The following UBXN8 variants were observed in gnomAD, a reference collection of about 807,000 sequenced individuals.
UBXN8 encodes the protein UBX domain-containing protein 8.
UBXN8 carries 27 observed loss-of-function variants against 32.1 expected under a neutral mutation model. The ratio of observed to expected loss-of-function variants is 0.84; its 90% confidence interval spans 0.62 to 1.16. UBXN8 has a LOEUF of 1.16. UBXN8 is among the 50% of genes most tolerant of loss of function. The pLI is 0.00. For missense variants in UBXN8, 306 were observed against 311.4 expected (o/e 0.98, Z 0.13); for synonymous variants, 109 against 111.8 (o/e 0.98, Z 0.16).
intron 6 of UBXN8, among the ~76,000 whole-genome samples, chr8:30,762,627 AAG>A (rs1219871718): frequency 6.6e-6 from 1 of 152,108 alleles, no homozygotes; most frequent in Non-Finnish European, 1.5e-5. Context: ...TCCTGACCTC[AAG>A]TGATCCGCCC....
intron 1 of UBXN8, among the ~76,000 whole-genome samples, chr8:30,745,358 G>A (rs1281134530): frequency 6.6e-6 from 1 of 152,158 alleles, no homozygotes; most frequent in East Asian, 1.9e-4. Context: ...ACTGGTAAAG[G>A]GGAAATGGAA....
At chr8:30,744,737 CTAGGTTTAAAT>C (rs970167818) in intron 1 of UBXN8, among the ~76,000 whole-genome samples, 1 of 152,142 alleles carries the variant, frequency 6.6e-6, no homozygotes, top group Non-Finnish European at 1.5e-5. Context: ...GCGCCCGGCC[CTAGGTTTAAAT>C]AAGGGGCCAC....
intron 6 of UBXN8, chr8:30,763,049 A>G (rs2956009): frequency 0.99 from 496,988 of 500,908 alleles, 246,666 homozygotes; most frequent in East Asian, 1. Context: ...TCTATTTTTT[A>G]TGGCGGGGGG....
chr8:30,756,836 T>G lies in UBXN8; in HGVS notation c.477T>G (p.Pro159=). Reference sequence around the variant, plus strand: ...AAGCAGCAAAGAGCCAGAACTTGCCTAAACCTTTAACTGAATTTCCGTCTC... The same window carrying G: ...AAGCAGCAAAGAGCCAGAACTTGCCGAAACCTTTAACTGAATTTCCGTCTC... ...NREAAKSQNL[P]KPLTEFPSPA... The change falls in exon 5 of 8, where the codon CCT becomes CCG. Residue 159 remains proline, a synonymous_variant. Transcript: ENST00000265616. 1 of 1,614,040 alleles carries G rather than the reference T, an allele frequency of 6.2e-7. No homozygotes were observed. The highest frequency in any genetic ancestry group is 8.5e-7 in the Non-Finnish European group (1 of 1,179,898).
upstream of UBXN8, chr8:30,732,333 G>A (rs1427247160): frequency 2.5e-6 from 1 of 398,326 alleles, no homozygotes; most frequent in Non-Finnish European, 4.4e-6. Flanking sequence ...GTGGGTATAA[G>A]GTGTCCAAGA....
chr8:30,760,443 A>ATATATATATAT (rs1196366158), intron 5 of UBXN8, among the ~76,000 whole-genome samples: 8 of 91,096 alleles, frequency 8.8e-5, no homozygotes, highest in East Asian at 5.9e-4. Flanking sequence ...ATATATATAT[A>ATATATATATAT]TTTTTTTTTT....
intron 6 of UBXN8, among the ~76,000 whole-genome samples, chr8:30,762,510 A>G (rs1284186843): frequency 1.3e-5 from 2 of 152,154 alleles, no homozygotes; most frequent in East Asian, 1.9e-4. Context: ...CTCCTGCCTC[A>G]GCCTCCTGAG....
intron 6 of UBXN8, among the ~76,000 whole-genome samples, 185 bp downstream of exon 6, chr8:30,761,114 G>A (rs1805820575): frequency 6.6e-6 from 1 of 152,066 alleles, no homozygotes; most frequent in Admixed American, 6.6e-5. Flanking sequence ...TGCCTAGGCT[G>A]GCCTTGAACT....
chr8:30,734,763 G>GT (rs1805038333), intron 1 of UBXN8, among the ~76,000 whole-genome samples: 5 of 152,124 alleles, frequency 3.3e-5, no homozygotes. Context: ...ACGCAACATA[G>GT]TAAGACCTGG....
intron 1 of UBXN8, among the ~76,000 whole-genome samples, chr8:30,745,716 T>G (rs1805343613): frequency 6.6e-6 from 1 of 152,208 alleles, no homozygotes; most frequent in Non-Finnish European, 1.5e-5. Context: ...AATTCACCTG[T>G]TCCCTTGTCT....
chr8:30,754,071 C>T (rs963266069), intron 3 of UBXN8, among the ~76,000 whole-genome samples: 1 of 152,124 alleles, frequency 6.6e-6, no homozygotes, highest in African/African-American at 2.4e-5. Context: ...GAAACCCTGT[C>T]TCTACTAAAA....
rs1275386936 is a variant in UBXN8 at position 30,746,964 on chromosome 8, G to A, written c.88+2687G>A. ...GAGGTCAAGTAATCGAGACCATCCT[G>A]GCCAACATGGTGAAACGCTGTCTCT... On this transcript the variant is annotated intron_variant, in intron 1 of 7. Transcript: ENST00000265616. Among the ~76,000 whole-genome samples the A allele has an allele frequency of 7.2e-5, 10 of 139,860 alleles. 4 individuals are homozygous for A. Among genetic ancestry groups the A allele is most frequent in the Admixed American group, 3.6e-4 (5 of 13,970 alleles). 91.8% of individuals were successfully genotyped at this position (139,860 alleles called of 152,430 possible). A position where few individuals can be genotyped will look rare whatever the true frequency, so the allele number is the denominator to read the frequency against.
chr8:30,734,130 G>A (rs1424423516), intron 1 of UBXN8: 1 of 152,300 alleles, frequency 6.6e-6, no homozygotes, highest in East Asian at 1.9e-4. Context: ...GGTAGGCAAA[G>A]GAAGGAAGGT....
chr8:30,731,534 G>A (rs1586081708), upstream of UBXN8, among the ~76,000 whole-genome samples: 1 of 152,112 alleles, frequency 6.6e-6, no homozygotes, highest in South Asian at 2.1e-4. Flanking sequence ...TACAGAGCAC[G>A]GCTCTTTGCT....
chr8:30,760,805 C>T, intron 5 of UBXN8, 83 bp from the exon 6 acceptor site: 1 of 825,218 alleles, frequency 1.2e-6, no homozygotes, highest in South Asian at 1.7e-5. Flanking sequence ...TGTGTCTAAA[C>T]TCTGTATTGA....
Position 30,744,223 on chromosome 8 carries a change from C to A in UBXN8, c.34C>A (p.Leu12Ile), listed in dbSNP as rs368905784. The change falls in exon 1 of 8, where the codon CTC becomes ATC. Residue 12 changes from leucine to isoleucine, a missense_variant. Coordinates refer to ENST00000265616, the MANE Select transcript of UBXN8 (RefSeq NM_005671.4). ...ACGTGGGGTTGTTGGCATTTTCTTC[C>A]TCTCTGCTGTCCCCCTTGTGTGTCT... ...ASRGVVGIFFLSAVPLVCLEL... is the reference protein window; with the variant it reads ...ASRGVVGIFFISAVPLVCLEL... 14 of 1,613,768 alleles carry A rather than the reference C, an allele frequency of 8.7e-6. No homozygotes were observed. Among genetic ancestry groups the A allele is most frequent in the Non-Finnish European group, 1.2e-5 (14 of 1,179,856 alleles).
chr8:30,749,608 C>CT (rs35549734), intron 1 of UBXN8, among the ~76,000 whole-genome samples: 1 of 115,056 alleles, frequency 8.7e-6, no homozygotes, highest in Non-Finnish European at 1.9e-5. Flanking sequence ...TTCTTTTTTT[C>CT]TTTTTTTTTT....
intron 1 of UBXN8, among the ~76,000 whole-genome samples, chr8:30,748,771 C>T (rs908174338): frequency 6.6e-6 from 1 of 152,076 alleles, no homozygotes; most frequent in African/African-American, 2.4e-5. Flanking sequence ...AAAGTCCTGA[C>T]CTCAGGTGAT....
At chr8:30,764,995 A>G (rs1429256282) in intron 7 of UBXN8, among the ~76,000 whole-genome samples, 2 of 152,232 alleles carry the variant, frequency 1.3e-5, no homozygotes, top group African/African-American at 2.4e-5. Context: ...GGTTGCAGTG[A>G]GCCAAGATCG....
Sources: allele counts gnomAD v4.1 joint callset (sites outside exome capture counted in the v4.1 genomes callset), GRCh38; gene constraint gnomAD v4.1.1; transcripts MANE v1.5; gene names NCBI Gene and HGNC (gene_info 2026-07-23, HGNC 2026-07-21).